The following SGCZ variants were observed in gnomAD, a reference collection of about 807,000 sequenced individuals.
SGCZ encodes sarcoglycan zeta, also known as zeta-sarcoglycan.
Under a neutral mutation model 41.3 loss-of-function variants are expected in SGCZ, and 40 were observed. The ratio of observed to expected loss-of-function variants is 0.97; its 90% CI spans 0.75 to 1.26. The LOEUF is 1.26. SGCZ is among the 50% of genes most tolerant of loss of function. The pLI, the probability that SGCZ is intolerant of heterozygous loss-of-function variation, is 0.00. For synonymous variants in SGCZ, 206 were observed against 137.5 expected, an observed-to-expected ratio of 1.50 and a Z score of -3.49; for missense variants, 552 against 369.8, an observed-to-expected ratio of 1.49 and a Z score of -4.04.
chr8:14,196,264 A>ATTT (rs61326421), intron 4 of SGCZ, among the ~76,000 whole-genome samples: 1 of 147,946 alleles, frequency 6.8e-6, no homozygotes, highest in Non-Finnish European at 1.5e-5. Context: ...AATTAGAGTA[A>ATTT]TTTTTTTTTT....
intron 4 of SGCZ, among the ~76,000 whole-genome samples, chr8:14,209,710 T>A (rs184608487): frequency 6.6e-6 from 1 of 152,288 alleles, no homozygotes; most frequent in East Asian, 1.9e-4. Flanking sequence ...TTATGTGACA[T>A]ATTTATAGAA....
chr8:14,576,811 A>T (rs1305549342), intron 1 of SGCZ, among the ~76,000 whole-genome samples: 2 of 152,190 alleles, frequency 1.3e-5, no homozygotes, highest in East Asian at 1.9e-4. Context: ...TAGCTGCTCA[A>T]CAGGTAATTC....
intron 2 of SGCZ, among the ~76,000 whole-genome samples, chr8:14,367,438 C>T (rs1002169301): frequency 6.6e-6 from 1 of 152,068 alleles, no homozygotes; most frequent in African/African-American, 2.4e-5. Flanking sequence ...ATAGCAGCAC[C>T]CCACTCTCTG....
intron 1 of SGCZ, among the ~76,000 whole-genome samples, chr8:15,181,032 C>G (rs150779915): frequency 6.6e-6 from 1 of 152,030 alleles, no homozygotes; most frequent in Non-Finnish European, 1.5e-5. Context: ...TGCCATCTTT[C>G]AATTAGCAAT....
At chr8:14,994,651 C>CGT (rs147964041) in intron 1 of SGCZ, among the ~76,000 whole-genome samples, 3,357 of 151,646 alleles carry the variant, frequency 0.022, 143 homozygotes, top group African/African-American at 0.076. Context: ...AGATTAGGGG[C>CGT]GTGTGTGTAT....
intron 2 of SGCZ, among the ~76,000 whole-genome samples, chr8:14,432,453 T>C (rs2117340415): frequency 6.6e-6 from 1 of 152,296 alleles, no homozygotes; most frequent in South Asian, 2.1e-4. Context: ...ACCTATGCTC[T>C]CATTCATAAA....
chr8:15,001,258 A>C (rs1802409493), intron 1 of SGCZ, among the ~76,000 whole-genome samples: 1 of 152,212 alleles, frequency 6.6e-6, no homozygotes, highest in Admixed American at 6.5e-5. Context: ...TTCTGAGATA[A>C]GACTTCAGGG....
intron 2 of SGCZ, among the ~76,000 whole-genome samples, chr8:14,482,672 A>G (rs1174792830): frequency 2.6e-5 from 4 of 152,048 alleles, no homozygotes; most frequent in Admixed American, 1.3e-4. Flanking sequence ...CATCTGCGAA[A>G]TAAGTAAAGC....
intron 2 of SGCZ, among the ~76,000 whole-genome samples, chr8:14,527,930 T>A (rs1803004801): frequency 6.6e-6 from 1 of 152,076 alleles, no homozygotes; most frequent in South Asian, 2.1e-4. Flanking sequence ...AGTAATACCA[T>A]GCAAAAACAT....
At chr8:15,180,083 T>A (rs762694759) in intron 1 of SGCZ, among the ~76,000 whole-genome samples, 1 of 152,218 alleles carries the variant, frequency 6.6e-6, no homozygotes, top group Non-Finnish European at 1.5e-5. Context: ...AGATTCCTCT[T>A]ATCGTTCCTA....
intron 1 of SGCZ, among the ~76,000 whole-genome samples, chr8:14,581,525 C>T (rs904460182): frequency 6.6e-6 from 1 of 151,856 alleles, no homozygotes; most frequent in South Asian, 2.1e-4. Flanking sequence ...GAAGAATAAC[C>T]TTCCCAAGCC....
At chr8:14,416,532 G>C (rs76596870) in intron 2 of SGCZ, among the ~76,000 whole-genome samples, 2,692 of 151,872 alleles carry the variant, frequency 0.018, 80 homozygotes, top group African/African-American at 0.061. Flanking sequence ...AGATGCCTCC[G>C]ACAGAGAAAT....
At chr8:14,595,474 G>T (rs1436005553) in intron 1 of SGCZ, among the ~76,000 whole-genome samples, 1 of 149,112 alleles carries the variant, frequency 6.7e-6, no homozygotes, top group Non-Finnish European at 1.5e-5. Flanking sequence ...AAAGAGAAAA[G>T]GAACGGATTC....
At position 14,127,702 on chromosome 8, in the gene SGCZ, C is replaced by G. The variant is rs369147256; in HGVS notation, c.548-19467G>C. ...TGATCTCCTGATCTTGTGCTCCACA[C>G]GCCTCAGCCTCCCAAAGTGCTGGGA... On this transcript the variant is annotated intron_variant, in intron 5 of 7. Transcript: ENST00000382080. Among the ~76,000 whole-genome samples, 5 of 152,148 alleles carry G rather than the reference C, an allele frequency of 3.3e-5. No homozygotes were observed. The East Asian group carries it at 7.7e-4, about 23-fold the overall frequency.
chr8:15,122,773 G>C (rs11780948), intron 1 of SGCZ, among the ~76,000 whole-genome samples: 8,284 of 152,172 alleles, frequency 0.054, 270 homozygotes, highest in Middle Eastern at 0.13. Context: ...ATGAATATCA[G>C]TAACAGTTCC....
chr8:14,760,393 C>A (rs1419051842), intron 1 of SGCZ, among the ~76,000 whole-genome samples: 4 of 152,160 alleles, frequency 2.6e-5, no homozygotes, highest in Admixed American at 1.3e-4. Context: ...TGTTGCTAAT[C>A]AATGAAAATC....
intron 1 of SGCZ, among the ~76,000 whole-genome samples, chr8:14,971,645 CTTTTTTTTT>C (rs11456903): frequency 8.7e-6 from 1 of 114,682 alleles, no homozygotes; most frequent in African/African-American, 3.4e-5. Flanking sequence ...ATTTTATATA[CTTTTTTTTT>C]TTTTTTTTTT....
chr8:14,486,132 T>C (rs1563360714), intron 2 of SGCZ, among the ~76,000 whole-genome samples: 1 of 152,212 alleles, frequency 6.6e-6, no homozygotes, highest in Non-Finnish European at 1.5e-5. Flanking sequence ...TGCTCGTTTT[T>C]CCCCCTCAAA....
chr8:14,803,306 A>C (rs1585274027), intron 1 of SGCZ, among the ~76,000 whole-genome samples: 1 of 152,214 alleles, frequency 6.6e-6, no homozygotes, highest in African/African-American at 2.4e-5. Context: ...CTGCATTTCC[A>C]TCTGAGGTAC....
Sources: allele counts gnomAD v4.1 joint callset (sites outside exome capture counted in the v4.1 genomes callset), GRCh38; gene constraint gnomAD v4.1.1; transcripts MANE v1.5; gene names NCBI Gene and HGNC (gene_info 2026-07-23, HGNC 2026-07-21).